Variants in CALML4 observed in about 807,000 individuals in gnomAD.
CALML4 encodes calmodulin-like protein 4.
Under a neutral mutation model 17.9 loss-of-function variants are expected in CALML4, and 16 were observed. The observed-to-expected ratio is 0.89, with a 90% CI of 0.61 to 1.36. The LOEUF (loss-of-function observed/expected upper bound fraction) is 1.36. CALML4 is among the 40% of genes most tolerant of loss of function. The pLI is 0.00. For synonymous variants in CALML4, 86 were observed against 71.5 expected (o/e 1.20, Z -1.02); for missense variants, 203 against 194.8 (o/e 1.04, Z -0.25).
At chr15:68,194,957 G>C (rs757333543) in intron 4 of CALML4, among the ~76,000 whole-genome samples, 1 of 151,812 alleles carries the variant, frequency 6.6e-6, no homozygotes, top group Non-Finnish European at 1.5e-5. Context: ...AATGTTTGGG[G>C]GATGGGGTTT....
At chr15:68,195,352 T>C (rs2093139663) in intron 4 of CALML4, among the ~76,000 whole-genome samples, 1 of 152,228 alleles carries the variant, frequency 6.6e-6, no homozygotes, top group Non-Finnish European at 1.5e-5. Flanking sequence ...AAGCTGATAG[T>C]AGTTCTGAGT....
intron 4 of CALML4, among the ~76,000 whole-genome samples, chr15:68,196,636 C>T (rs2093145794): frequency 6.6e-6 from 1 of 152,160 alleles, no homozygotes; most frequent in South Asian, 2.1e-4. Flanking sequence ...CTGCTGCGAA[C>T]ATGGCAGGGC....
chr15:68,196,198 G>A (rs1385374782), intron 4 of CALML4, among the ~76,000 whole-genome samples: 5 of 152,172 alleles, frequency 3.3e-5, no homozygotes, highest in East Asian at 1.9e-4. Context: ...ACAGGCGCCC[G>A]CCACCACGCC....
At position 68,193,833 on chromosome 15, in the gene CALML4, G is replaced by A. The variant is rs2093131066; in HGVS notation, c.*182C>T. The A allele has an allele frequency of 3.6e-6, 2 of 557,524 alleles. No individual in the cohort carries two copies. Among genetic ancestry groups the A allele is most frequent in the Middle Eastern group, 3.6e-4 (1 of 2,790 alleles). The allele number at this position is 557,524 out of a possible 1,614,324, so 34.5% of individuals were successfully genotyped here. A position where few individuals can be genotyped will look rare whatever the true frequency, so the allele number is the denominator to read the frequency against. ...AAATCAATACAAATCTTTTATTAAA[G>A]ATCTACTCATACCATGGCTGAAATC... On this transcript the variant is annotated 3_prime_UTR_variant, in exon 5 of 5. Coordinates refer to ENST00000467889, the MANE Select transcript of CALML4 (RefSeq NM_033429.3).
chr15:68,194,402 T>A (rs34813493), intron 4 of CALML4, among the ~76,000 whole-genome samples: 26,707 of 137,760 alleles, frequency 0.19, 2,604 homozygotes, highest in Non-Finnish European at 0.24. Context: ...TTTTTTTTTT[T>A]AAAACAGTTT....
In CALML4 at chr15:68,193,557, G is replaced by T; in HGVS notation, c.*458C>A. ...CTTGGAAAATCTTGGAAATATGGAAGATGGTTCTAGCCCCCAAATACAGAA... is the reference window on the plus strand; with the variant it reads ...CTTGGAAAATCTTGGAAATATGGAATATGGTTCTAGCCCCCAAATACAGAA... On this transcript the variant is annotated 3_prime_UTR_variant, in exon 5 of 5. Coordinates refer to ENST00000467889, the MANE Select transcript of CALML4 (RefSeq NM_033429.3). 6.5e-6 allele frequency: 1 copy of T among 153,994 alleles called. No homozygotes were observed. Among genetic ancestry groups the T allele is most frequent in the Non-Finnish European group, 1.4e-5 (1 of 69,222 alleles). The allele number at this position is 153,994 out of a possible 1,614,324, so 9.5% of individuals were successfully genotyped here. A position where few individuals can be genotyped will look rare whatever the true frequency, so the allele number is the denominator to read the frequency against.
rs774581764 is a variant in CALML4 at position 68,191,028 on chromosome 15, T to G, written c.*2987A>C. ...TTAAACACATAAAACTTTCAAGATC[T>G]TCAGGACTTTTTAAAGCACATTTGA... is the stretch of plus-strand genomic sequence containing the variant. On this transcript the variant is annotated 3_prime_UTR_variant, in exon 5 of 5. Coordinates refer to ENST00000467889, the MANE Select transcript of CALML4 (RefSeq NM_033429.3). 1.4e-4 allele frequency: 21 copies of G among 152,452 alleles called. No homozygotes were observed. Among genetic ancestry groups the G allele is most frequent in the Non-Finnish European group, 2.8e-4 (19 of 68,048 alleles). The allele number at this position is 152,452 out of a possible 1,614,324, so 9.4% of individuals were successfully genotyped here.
chr15:68,195,454 G>T (rs2093140236), intron 4 of CALML4, among the ~76,000 whole-genome samples: 1 of 152,162 alleles, frequency 6.6e-6, no homozygotes, highest in Non-Finnish European at 1.5e-5. Context: ...CATCCTGGGG[G>T]ATAGGCCAAC....
At chr15:68,202,966 C>G (rs1188709648) in intron 2 of CALML4, among the ~76,000 whole-genome samples, 1 of 152,230 alleles carries the variant, frequency 6.6e-6, no homozygotes, top group Non-Finnish European at 1.5e-5. Context: ...AGGTGCCTGC[C>G]AGCACACCAG....
At position 68,199,700 on chromosome 15, in the gene CALML4, G is replaced by C; in HGVS notation, c.35-19C>G. ...TTGTACTCTGCACACGGCCCAGAGG[G>C]AGGGTCAGCAGCGTCTGGTCACTCT... On this transcript the variant is annotated intron_variant, in intron 2 of 4. Coordinates refer to ENST00000467889, the MANE Select transcript of CALML4 (RefSeq NM_033429.3). 6.2e-7 allele frequency: 1 copy of C among 1,609,038 alleles called. No individual in the cohort carries two copies. Among genetic ancestry groups the C allele is most frequent in the Non-Finnish European group, 8.5e-7 (1 of 1,177,542 alleles).
rs556433401 is a variant in CALML4, at chr15:68,193,797, G to T, written c.*218C>A. 1 of 489,550 alleles carries T rather than the reference G, an allele frequency of 2.0e-6. No homozygotes were observed. Among genetic ancestry groups the T allele is most frequent in the Non-Finnish European group, 3.7e-6 (1 of 272,498 alleles). The allele number at this position is 489,550 out of a possible 1,614,324, so 30.3% of individuals were successfully genotyped here. ...CCATGCTTGAAAGGGCCGGACTCACGGTAGTTAATAAAATCAATACAAATC... is the reference window on the plus strand; with the variant it reads ...CCATGCTTGAAAGGGCCGGACTCACTGTAGTTAATAAAATCAATACAAATC... On this transcript the variant is annotated 3_prime_UTR_variant, in exon 5 of 5. Transcript: ENST00000467889.
chr15:68,195,265 G>A (rs181030059), intron 4 of CALML4, among the ~76,000 whole-genome samples: 27 of 152,182 alleles, frequency 1.8e-4, no homozygotes, highest in African/African-American at 4.6e-4. Flanking sequence ...ACACACCTCC[G>A]GTCGTCAGTT....
upstream of CALML4, chr15:68,205,418 CTGAGCACAGCTCA>C: frequency 6.2e-7 from 1 of 1,611,400 alleles, no homozygotes; most frequent in Non-Finnish European, 8.5e-7. The surrounding 1 kb of genome is among the most constrained non-coding windows in gnomAD (Gnocchi z 4.8). Flanking sequence ...TTCCAGCTTC[CTGAGCACAGCTCA>C]TGACCCGCCA....
chr15:68,195,862 A>G (rs2093142238), intron 4 of CALML4, among the ~76,000 whole-genome samples: 1 of 152,174 alleles, frequency 6.6e-6, no homozygotes, highest in Non-Finnish European at 1.5e-5. Context: ...TGCTTAGGAC[A>G]GAGATCATTA....
chr15:68,193,924 G>T lies in CALML4; in HGVS notation c.*91C>A. 1 of 827,740 alleles carries T rather than the reference G, an allele frequency of 1.2e-6. No individual in the cohort carries two copies. Among genetic ancestry groups the T allele is most frequent in the South Asian group, 1.6e-5 (1 of 62,714 alleles). The allele number at this position is 827,740 out of a possible 1,614,324, so 51.3% of individuals were successfully genotyped here. A position where few individuals can be genotyped will look rare whatever the true frequency, so the allele number is the denominator to read the frequency against. The stretch of plus-strand genomic sequence containing the variant: ...GTAATGTTGTCTTGCCACTGTGTTT[G>T]CCATCTCTCCCAAGTGAAAAGAACA... On this transcript the variant is annotated 3_prime_UTR_variant, in exon 5 of 5. Coordinates refer to ENST00000467889, the MANE Select transcript of CALML4 (RefSeq NM_033429.3).
At position 68,191,130 on chromosome 15, in the gene CALML4, CAGAA is replaced by C. The variant is rs903374978; in HGVS notation, c.*2881_*2884del. 1 of 152,488 alleles carries C rather than the reference CAGAA, an allele frequency of 6.6e-6. No individual in the cohort carries two copies. The highest frequency in any genetic ancestry group is 2.4e-5 in the African/African-American group (1 of 41,352). 9.4% of individuals were successfully genotyped at this position (152,488 alleles called of 1,614,324 possible). On this transcript the variant is annotated 3_prime_UTR_variant, in exon 5 of 5. Coordinates refer to ENST00000467889, the MANE Select transcript of CALML4 (RefSeq NM_033429.3). The stretch of plus-strand genomic sequence containing the variant: ...TTAATTAAATACAAAGCTTAGATTT[CAGAA>C]AGAGAGGGAAAATAGCTGGTGGTCC...
At chr15:68,198,559 AG>A (rs1240892612) in intron 3 of CALML4, 1 of 152,230 alleles carries the variant, frequency 6.6e-6, no homozygotes, top group East Asian at 1.9e-4. Context: ...TTTTTTTCTT[AG>A]AAAAAGCAAA....
intron 4 of CALML4, 79 bp from the exon 5 acceptor site, chr15:68,194,191 C>A: frequency 9.2e-7 from 1 of 1,088,342 alleles, no homozygotes; most frequent in South Asian, 1.3e-5. Context: ...GGGACTGGAG[C>A]TCCCCTAAGG....
At chr15:68,196,070 A>T (rs1200669394) in intron 4 of CALML4, among the ~76,000 whole-genome samples, 1 of 152,122 alleles carries the variant, frequency 6.6e-6, no homozygotes, top group African/African-American at 2.4e-5. Context: ...ATTTATGGAG[A>T]TAAAGTCTCA....
Sources: gnomAD v4.1 joint callset for allele counts (sites outside exome capture counted in the v4.1 genomes callset) on GRCh38, gnomAD v4.1.1 for gene constraint, Gnocchi (gnomAD v3.1) non-coding constraint, MANE v1.5 for transcripts, NCBI Gene and HGNC (gene_info 2026-07-23, HGNC 2026-07-21) for gene names.